RELN: variants seen among roughly 807,000 people sequenced by gnomAD.
RELN encodes the protein reelin.
A neutral mutation model predicts 427.6 loss-of-function variants in RELN; 108 were observed. That is an observed-to-expected ratio of 0.25 (90% CI 0.22 to 0.30). The LOEUF (loss-of-function observed/expected upper bound fraction) is 0.30, where lower values mean the gene tolerates loss of function less well. Among genes scored for constraint, RELN ranks in the 10% least tolerant of loss-of-function variants. RELN has a pLI of 1.00. For missense variants in RELN, 3,715 were observed against 4,302.8 expected (o/e 0.86, Z 3.82); for synonymous variants, 1,524 against 1,513.4 (o/e 1.01, Z -0.16).
At chr7:103,643,910 A>G (rs1289163765) in intron 16 of RELN, among the ~76,000 whole-genome samples, 1 of 151,894 alleles carries the variant, frequency 6.6e-6, no homozygotes, top group Non-Finnish European at 1.5e-5. Context: ...GACTACCAAA[A>G]ACATTTAAAA....
intron 51 of RELN, among the ~76,000 whole-genome samples, chr7:103,510,322 T>C (rs1177418871): frequency 6.6e-6 from 1 of 152,050 alleles, no homozygotes; most frequent in Non-Finnish European, 1.5e-5. Flanking sequence ...AAAAGATGAG[T>C]TCATGTCCTT....
intron 3 of RELN, among the ~76,000 whole-genome samples, chr7:103,805,344 C>A (rs39329): frequency 0.29 from 43,521 of 152,014 alleles, 6,603 homozygotes; most frequent in Non-Finnish European, 0.33. Context: ...TCTTTCTAAC[C>A]AACTTTAGAT....
Position 103,569,686 on chromosome 7 carries a change from T to C in RELN, c.4588+2498A>G, listed in dbSNP as rs1830837447. Among the ~76,000 whole-genome samples, 1 of 152,118 alleles carries C rather than the reference T, an allele frequency of 6.6e-6. No individual in the cohort carries two copies. Among genetic ancestry groups the C allele is most frequent in the African/African-American group, 2.4e-5 (1 of 41,420 alleles). ...AGGTCTGCAGAGATGAGGGCCCCAATTCCAAAGGACAAAGAAGGAGAGCCT... is the reference window on the plus strand; with the variant it reads ...AGGTCTGCAGAGATGAGGGCCCCAACTCCAAAGGACAAAGAAGGAGAGCCT... On this transcript the variant is annotated intron_variant, in intron 31 of 64. Coordinates refer to ENST00000428762, the MANE Select transcript of RELN (RefSeq NM_005045.4). This position sits in a 1 kb window ranked among gnomAD's most constrained non-coding sequence, Gnocchi z 4.0.
intron 61 of RELN, among the ~76,000 whole-genome samples, chr7:103,485,247 AAAAAAAG>A (rs1431071138): frequency 1.3e-5 from 2 of 150,554 alleles, no homozygotes; most frequent in Non-Finnish European, 3.0e-5. Flanking sequence ...AAAAAAAAAA[AAAAAAAG>A]GAAGATGATA....
In RELN at chr7:103,510,994, A is replaced by G; in HGVS notation, c.8131T>C (p.Trp2711Arg). ...MEDKTSVNEH[W>R]LFHDDCTVER... Reference sequence around the variant, plus strand: ...ACTGTACAATCATCATGGAATAGCCAGTGCTCATTCACTTAAAACAAAAAA... The same window carrying G: ...ACTGTACAATCATCATGGAATAGCCGGTGCTCATTCACTTAAAACAAAAAA... The change falls in exon 51 of 65, where the codon TGG (tryptophan) becomes CGG (arginine). Residue 2711 changes from tryptophan to arginine, a missense_variant. Physicochemically the swap from Trp to Arg is moderately radical, Grantham distance 101 (BLOSUM62 -3). Transcript: ENST00000428762. The G allele has an allele frequency of 1.9e-6, 3 of 1,613,642 alleles. No homozygotes were observed. Among genetic ancestry groups the G allele is most frequent in the Non-Finnish European group, 2.5e-6 (3 of 1,179,570 alleles).
Position 103,989,093 on chromosome 7 carries a change from C to A in RELN, c.226+38G>T, listed in dbSNP as rs764653055. On this transcript the variant is annotated intron_variant, in intron 1 of 64. Coordinates refer to ENST00000428762, the MANE Select transcript of RELN (RefSeq NM_005045.4). The surrounding 1 kb of genome is among the most constrained non-coding windows in gnomAD (Gnocchi z 4.9). ...TGAGAAAGGTGCGCTGGCGGGCGCACCCGGCGGCGGCGAGCGCGGAGGTGC... is the reference window on the plus strand; with the variant it reads ...TGAGAAAGGTGCGCTGGCGGGCGCAACCGGCGGCGGCGAGCGCGGAGGTGC... 1 of 1,588,438 alleles carries A rather than the reference C, an allele frequency of 6.3e-7. No homozygotes were observed. Among genetic ancestry groups the A allele is most frequent in the Non-Finnish European group, 8.6e-7 (1 of 1,159,524 alleles).
At chr7:103,490,167 T>C (rs1054729085) in intron 59 of RELN, among the ~76,000 whole-genome samples, 5 of 152,232 alleles carry the variant, frequency 3.3e-5, no homozygotes, top group African/African-American at 4.8e-5. Flanking sequence ...GTGTACATTT[T>C]TCCTACACAG....
intron 5 of RELN, among the ~76,000 whole-genome samples, chr7:103,752,414 A>G (rs780659583): frequency 2.0e-5 from 3 of 152,024 alleles, no homozygotes; most frequent in Non-Finnish European, 2.9e-5. Context: ...GTCTCATTTC[A>G]ATTTTTTTTT....
At chr7:103,862,678 A>T (rs529426409) in intron 2 of RELN, among the ~76,000 whole-genome samples, 1 of 152,252 alleles carries the variant, frequency 6.6e-6, no homozygotes, top group South Asian at 2.1e-4. Context: ...AAATAAAAAA[A>T]TTTAATTTCA....
intron 3 of RELN, among the ~76,000 whole-genome samples, chr7:103,795,734 A>C (rs1792283541): frequency 6.6e-6 from 1 of 152,222 alleles, no homozygotes; most frequent in Non-Finnish European, 1.5e-5. Flanking sequence ...TTGGAATTAC[A>C]AAGCACAGTC....
At chr7:103,811,045 T>A (rs1285002420) in intron 3 of RELN, among the ~76,000 whole-genome samples, 1 of 152,242 alleles carries the variant, frequency 6.6e-6, no homozygotes, top group African/African-American at 2.4e-5. Context: ...CTATTTTGAT[T>A]TGGCATTAAT....
chr7:103,619,732 GAGA>G (rs1224410580), intron 20 of RELN, among the ~76,000 whole-genome samples: 2 of 152,214 alleles, frequency 1.3e-5, no homozygotes, highest in Non-Finnish European at 2.9e-5. Context: ...GTGGACCCCA[GAGA>G]AGAAGGGAAA....
At chr7:103,622,720 T>C (rs532269530) in intron 20 of RELN, among the ~76,000 whole-genome samples, 1 of 152,158 alleles carries the variant, frequency 6.6e-6, no homozygotes, top group Non-Finnish European at 1.5e-5. Context: ...CCTAACCCTC[T>C]TACCTAAAAT....
Position 103,593,836 on chromosome 7 carries a change from C to G in RELN, c.3758G>C (p.Ser1253Thr). The stretch of plus-strand genomic sequence containing the variant: ...TTCATTAGCCAACATCAACCACACA[C>G]TCATCTGATTCATAGGGTAATCAAA... The part of the protein sequence containing the change: ...PAFDYPMNQM[S>T]VWLMLANEGM... Residue 1253 changes from serine (S) to threonine (T), a missense_variant, in exon 27 of 65, where the codon AGT (serine) becomes ACT (threonine). Physicochemically the swap from Ser to Thr is moderately conservative, Grantham distance 58 (BLOSUM62 1). Around this residue, in one of 4 missense-constraint regions of RELN, gnomAD observed 2,208 missense variants for 2,361.7 expected, o/e 0.93. Transcript: ENST00000428762. 6.2e-7 allele frequency: 1 copy of G among 1,613,988 alleles called. No individual in the cohort carries two copies. The highest frequency in any genetic ancestry group is 8.5e-7 in the Non-Finnish European group (1 of 1,179,912).
intron 48 of RELN, among the ~76,000 whole-genome samples, chr7:103,520,977 T>A (rs1193974704): frequency 2.2e-5 from 3 of 133,650 alleles, no homozygotes; most frequent in Admixed American, 1.5e-4. Flanking sequence ...TTTTTTTTTT[T>A]TTTTTTTTTT....
At chr7:103,567,505 C>T (rs569371725) in intron 31 of RELN, among the ~76,000 whole-genome samples, 1 of 152,148 alleles carries the variant, frequency 6.6e-6, no homozygotes, top group Non-Finnish European at 1.5e-5. Context: ...GAAAAAGTTG[C>T]TAAGGATGAA....
rs150518726 is a variant in RELN at position 103,575,591 on chromosome 7, C to T, written c.4260G>A (p.Gly1420=). The change falls in exon 29 of 65, where the codon GGG becomes GGA. Residue 1420 remains glycine (G), a synonymous_variant. Transcript: ENST00000428762. ...EPCPSYCSGH[G]DCISGVCFCD... ...AGAAACACACTCCTGAAATGCAGTCCCCATGGCCACTGCAGTAACTGGGAC... is the reference window on the plus strand; with the variant it reads ...AGAAACACACTCCTGAAATGCAGTCTCCATGGCCACTGCAGTAACTGGGAC... 130 of 1,613,972 alleles carry T rather than the reference C, an allele frequency of 8.1e-5. No homozygotes were observed. Among genetic ancestry groups the T allele is most frequent in the African/African-American group, 3.9e-4 (29 of 75,024 alleles).
At chr7:103,981,537 C>G (rs570199964) in intron 1 of RELN, among the ~76,000 whole-genome samples, 4 of 152,212 alleles carry the variant, frequency 2.6e-5, no homozygotes, top group African/African-American at 7.2e-5. Context: ...TATGACTGAC[C>G]TAAAAGCAAA....
At chr7:103,652,207 TAG>T (rs149829971) in intron 14 of RELN, among the ~76,000 whole-genome samples, 5,254 of 151,408 alleles carry the variant, frequency 0.035, 315 homozygotes, top group African/African-American at 0.12. Context: ...TGCTTATTAT[TAG>T]CAGGTCACCA....
Sources: allele counts gnomAD v4.1 joint callset (sites outside exome capture counted in the v4.1 genomes callset), GRCh38; gene constraint gnomAD v4.1.1; regional missense constraint gnomAD v4.1.1; non-coding constraint Gnocchi (gnomAD v3.1); transcripts MANE v1.5; gene names NCBI Gene and HGNC (gene_info 2026-07-23, HGNC 2026-07-21).